The following MVP variants were observed in gnomAD, a reference collection of about 807,000 sequenced individuals.
MVP encodes lung resistance-related protein.
Under a neutral mutation model 83.5 loss-of-function variants are expected in MVP, and 62 were observed. The ratio of observed to expected loss-of-function variants is 0.74; its 90% CI spans 0.61 to 0.92. The LOEUF (loss-of-function observed/expected upper bound fraction) is 0.92, where lower values mean the gene tolerates loss of function less well. Among genes scored for constraint, MVP ranks in the 40% least tolerant of loss-of-function variants. The probability of loss-of-function intolerance (pLI) is 0.00; values close to 1 mark genes in which losing one functional copy is unlikely to be tolerated. For synonymous variants in MVP, 505 were observed against 504.1 expected, an observed-to-expected ratio of 1.00 and a Z score of -0.02; for missense variants, 1,000 against 1,203.4, an observed-to-expected ratio of 0.83 and a Z score of 2.50.
intron 6 of MVP, among the ~76,000 whole-genome samples, 186 bp from the exon 7 acceptor site, chr16:29,836,536 C>G (rs917074763): frequency 6.6e-6 from 1 of 151,258 alleles, no homozygotes; most frequent in Non-Finnish European, 1.5e-5. Flanking sequence ...GAGATCGCAC[C>G]TTTGCACTCT....
intron 3 of MVP, among the ~76,000 whole-genome samples, chr16:29,832,925 C>T (rs993224150): frequency 1.3e-5 from 2 of 151,980 alleles, no homozygotes; most frequent in South Asian, 2.1e-4. Flanking sequence ...ATTAGCCAGG[C>T]GTGGTGGCAT....
In MVP at chr16:29,833,851, G is replaced by C; in HGVS notation, c.440G>C (p.Gly147Ala). 6.2e-7 allele frequency: 1 copy of C among 1,614,088 alleles called. No individual in the cohort carries two copies. Among genetic ancestry groups the C allele is most frequent in the Non-Finnish European group, 8.5e-7 (1 of 1,180,020 alleles). The change falls in exon 4 of 15, where the codon GGA (glycine) becomes GCA (alanine). Residue 147 changes from glycine (G) to alanine (A), a missense_variant. By Grantham distance (60) the Gly-to-Ala change is moderately conservative (BLOSUM62 0). Transcript: ENST00000357402. ...GCAGGAGATGAGTGGCTTTTCGAGG[G>C]ACCTGGTAAGTTCTGTCTCCATAGG... ...VVAGDEWLFE[G>A]PGTYIPRKEV...
At position 29,845,851 on chromosome 16, in the gene MVP, C is replaced by A. The variant is rs199826595; in HGVS notation, c.2022-12C>A. On this transcript the variant is annotated splice_polypyrimidine_tract_variant and intron_variant, in intron 11 of 14. Transcript: ENST00000357402. ...CCATGCCAGCCTCTCACCTGCGCTC[C>A]GTCTCCTCCAGGCATGAGGCTCAGA... 384 of 1,612,504 alleles carry A rather than the reference C, an allele frequency of 2.4e-4. 3 individuals are homozygous for A. The African/African-American group carries it at 4.2e-3, about 18-fold the overall frequency.
intron 1 of MVP, among the ~76,000 whole-genome samples, chr16:29,826,370 A>G (rs545867788): frequency 6.6e-6 from 1 of 152,328 alleles, no homozygotes; most frequent in East Asian, 1.9e-4. Context: ...CGGTGGCTCC[A>G]CCTGTAGTCC....
intron 8 of MVP, among the ~76,000 whole-genome samples, chr16:29,840,941 A>C (rs1030047116): frequency 6.6e-6 from 1 of 152,058 alleles, no homozygotes; most frequent in African/African-American, 2.4e-5. Flanking sequence ...TCTGTCAAAA[A>C]AAAATATTAG....
At chr16:29,825,333 T>C (rs2067397368) in intron 1 of MVP, among the ~76,000 whole-genome samples, 1 of 152,186 alleles carries the variant, frequency 6.6e-6, no homozygotes, top group South Asian at 2.1e-4. Context: ...GGCAGAGCCT[T>C]CCAAAGGTCA....
At chr16:29,825,067 A>G (rs2067395641) in intron 1 of MVP, among the ~76,000 whole-genome samples, 1 of 152,118 alleles carries the variant, frequency 6.6e-6, no homozygotes, top group South Asian at 2.1e-4. Context: ...TAACTAGACA[A>G]TGAACCTGGT....
intron 10 of MVP, 52 bp from the exon 11 acceptor site, chr16:29,844,441 A>G (rs902935622): frequency 3.3e-6 from 5 of 1,514,406 alleles, no homozygotes; most frequent in Non-Finnish European, 4.4e-6. Context: ...TCTTCTAAAG[A>G]GAGATTCCTG....
intron 13 of MVP, 51 bp downstream of exon 13, chr16:29,846,335 G>A (rs1567397147): frequency 6.6e-7 from 1 of 1,523,276 alleles, no homozygotes; most frequent in South Asian, 1.3e-5. Flanking sequence ...CCTGGAAAAG[G>A]CCCATTCCCT....
At chr16:29,846,113 A>C in intron 12 of MVP, 45 bp from the exon 13 acceptor site, 1 of 1,600,200 alleles carries the variant, frequency 6.2e-7, no homozygotes, top group Non-Finnish European at 8.5e-7. Context: ...CCGTGGGGGG[A>C]CTGGGCTGTC....
chr16:29,830,254 A>C, intron 1 of MVP: 1 of 279,866 alleles, frequency 3.6e-6, no homozygotes, highest in Non-Finnish European at 6.9e-6. Flanking sequence ...GAGTGAGGGA[A>C]AGGAATTGGC....
chr16:29,847,086 A>G (rs1596932356), intron 13 of MVP, 111 bp from the exon 14 acceptor site: 3 of 1,189,166 alleles, frequency 2.5e-6, no homozygotes, highest in Non-Finnish European at 3.6e-6. Context: ...GCTACCCAGG[A>G]GGCTGAGGCA....
rs2067567844 is a variant in MVP at position 29,844,698 on chromosome 16, C to T, written c.1840C>T (p.Pro614Ser). 1 of 1,614,028 alleles carries T rather than the reference C, an allele frequency of 6.2e-7. No homozygotes were observed. Among genetic ancestry groups the T allele is most frequent in the Non-Finnish European group, 8.5e-7 (1 of 1,180,016 alleles). ...CTTTGAGACCTCGGAAGCGAAGGGC[C>T]CCGATGGCATGGCCCTGCCCAGGCC... ...FGFETSEAKGPDGMALPRPRD... is the reference protein window; with the variant it reads ...FGFETSEAKGSDGMALPRPRD... The change falls in exon 11 of 15, where the codon CCC (proline) becomes TCC (serine). Residue 614 changes from proline (P) to serine (S), a missense_variant. Transcript: ENST00000357402.
At chr16:29,825,610 G>A (rs2067399541) in intron 1 of MVP, among the ~76,000 whole-genome samples, 1 of 151,964 alleles carries the variant, frequency 6.6e-6, no homozygotes, top group South Asian at 2.1e-4. Context: ...TCCTGGTGCT[G>A]ATGCAGGGGC....
At chr16:29,839,411 A>C (rs2067514551) in intron 7 of MVP, among the ~76,000 whole-genome samples, 1 of 152,152 alleles carries the variant, frequency 6.6e-6, no homozygotes, top group African/African-American at 2.4e-5. Flanking sequence ...CTTTGAGTAT[A>C]CTAAAACAAC....
At chr16:29,845,520 C>T (rs2067576807) in intron 11 of MVP, among the ~76,000 whole-genome samples, 1 of 152,188 alleles carries the variant, frequency 6.6e-6, no homozygotes, top group African/African-American at 2.4e-5. Context: ...GCCCAAAGAT[C>T]CCCTCCTTGG....
Position 29,841,859 on chromosome 16 carries a change from G to T in MVP, c.1436+19G>T. ...GAGCCCGGTGAGTGCTGGCAGCGCA[G>T]GGTGTAGGGGGTGGCTCTCCATGGG... On this transcript the variant is annotated intron_variant, in intron 9 of 14. Transcript: ENST00000357402. This position sits in a 1 kb window ranked among gnomAD's most constrained non-coding sequence, Gnocchi z 4.7. The T allele has an allele frequency of 6.2e-7, 1 of 1,608,850 alleles. No homozygotes were observed.
In MVP at chr16:29,844,663, CTG is replaced by C. The variant is rs1567396023; in HGVS notation, c.1807_1808del (p.Val603LeufsTer4). On this transcript the variant is annotated frameshift_variant, in exon 11 of 15. Transcript: ENST00000357402. LOFTEE classifies it high-confidence loss of function. ...AACTCAGCCCGCATCATTCGCACTG[CTG>C]TCTTTGGCTTTGAGACCTCGGAAGC... 1 of 1,614,158 alleles carries C rather than the reference CTG, an allele frequency of 6.2e-7. No individual in the cohort carries two copies. Among genetic ancestry groups the C allele is most frequent in the South Asian group, 1.1e-5 (1 of 91,074 alleles).
Position 29,834,062 on chromosome 16 carries a change from G to A in MVP, c.573G>A (p.Val191=). ...GGGACCGGGACGGCAAGGAGAGGGT[G>A]ACAGGTGGGGTCACCAAGGGGCGAT... is the stretch of plus-strand genomic sequence containing the variant. ...ECWDRDGKER[V]TGEEWLVTTV... The change falls in exon 5 of 15, where the codon GTG becomes GTA. Residue 191 remains valine, a synonymous_variant. Transcript: ENST00000357402. 1.2e-6 allele frequency: 2 copies of A among 1,613,388 alleles called. No individual in the cohort carries two copies. The highest frequency in any genetic ancestry group is 1.7e-6 in the Non-Finnish European group (2 of 1,179,758).
Sources: gnomAD v4.1 joint callset for allele counts (sites outside exome capture counted in the v4.1 genomes callset) on GRCh38, gnomAD v4.1.1 for gene constraint, Gnocchi (gnomAD v3.1) non-coding constraint, MANE v1.5 for transcripts, NCBI Gene and HGNC (gene_info 2026-07-23, HGNC 2026-07-21) for gene names.